Variants in FMR1 observed in about 807,000 individuals in gnomAD.
FMR1 encodes the protein FMRP translational regulator 1.
In FMR1, 13 loss-of-function variants were observed where a neutral mutation model predicts 50.6. The observed-to-expected ratio is 0.26, with a 90% CI of 0.17 to 0.41. The LOEUF (loss-of-function observed/expected upper bound fraction) is 0.41, where lower values mean the gene tolerates loss of function less well. Among genes scored for constraint, FMR1 ranks in the 10% least tolerant of loss-of-function variants. FMR1 has a pLI of 1.00. For missense variants in FMR1, 316 were observed against 491.3 expected (o/e 0.64, Z 3.37); for synonymous variants, 138 against 164.1 (o/e 0.84, Z 1.22).
Position 147,949,663 on chromosome X carries a change from GAAGA to G in FMR1, c.*825_*828del, listed in dbSNP as rs781928059. On this transcript the variant is annotated 3_prime_UTR_variant, in exon 17 of 17. Coordinates refer to ENST00000370475, the MANE Select transcript of FMR1 (RefSeq NM_002024.6). ...GTGTAATTTTTCTGTATAGACAGGA[GAAGA>G]AAGAACTATCTTCATCTGAGAGAGG... The G allele has an allele frequency of 3.6e-4, 117 of 327,652 alleles. No homozygotes were observed. The highest frequency in any genetic ancestry group is 6.1e-4 in the Non-Finnish European group (103 of 169,609). 27.0% of individuals were successfully genotyped at this position (327,652 alleles called of 1,213,427 possible).
chrX:147,937,317 A>T (rs2043823948), intron 10 of FMR1, 149 bp from the exon 11 acceptor site: 1 of 453,122 alleles, frequency 2.2e-6, no homozygotes, highest in Admixed American at 4.0e-5. Flanking sequence ...TTTTCTGCGT[A>T]CAATTTGTAT....
chrX:147,925,933 G>C (rs782273690), intron 3 of FMR1, among the ~76,000 whole-genome samples: 4 of 111,610 alleles, frequency 3.6e-5, no homozygotes, highest in Non-Finnish European at 7.5e-5. Flanking sequence ...ATAGTATGTT[G>C]TTTGTTTACA....
chrX:147,926,691 TTG>T (rs2043401743), intron 3 of FMR1, among the ~76,000 whole-genome samples: 1 of 110,764 alleles, frequency 9.0e-6, no homozygotes, highest in Non-Finnish European at 1.9e-5. Flanking sequence ...TTTCACCATG[TTG>T]GTCAGGCTAG....
At chrX:147,941,962 C>T (rs1257637599) in intron 13 of FMR1, among the ~76,000 whole-genome samples, 4 of 112,822 alleles carry the variant, frequency 3.5e-5, no homozygotes, top group Non-Finnish European at 7.5e-5. Flanking sequence ...ACCTGGACTA[C>T]TCTTCTGTTT....
Position 147,950,332 on chromosome X carries a change from T to A in FMR1, c.*1488T>A. On this transcript the variant is annotated 3_prime_UTR_variant, in exon 17 of 17. Coordinates refer to ENST00000370475, the MANE Select transcript of FMR1 (RefSeq NM_002024.6). Reference sequence around the variant, plus strand: ...CAAACTGCACATGATTTCACAAATATTAAAAAGTCTTTTAAAAAGTATTGC... The same window carrying A: ...CAAACTGCACATGATTTCACAAATAATAAAAAGTCTTTTAAAAAGTATTGC... 1 of 329,561 alleles carries A rather than the reference T, an allele frequency of 3.0e-6. No homozygotes were observed. 27.2% of individuals were successfully genotyped at this position (329,561 alleles called of 1,213,427 possible). A position where few individuals can be genotyped will look rare whatever the true frequency, so the allele number is the denominator to read the frequency against.
At chrX:147,929,549 A>G (rs1361353295) in intron 5 of FMR1, among the ~76,000 whole-genome samples, 1 of 109,231 alleles carries the variant, frequency 9.2e-6, no homozygotes, top group Non-Finnish European at 1.9e-5. Context: ...TATGCCCCAT[A>G]AATATATATA....
chrX:147,930,707 T>C (rs2043562895), intron 7 of FMR1, among the ~76,000 whole-genome samples: 1 of 112,080 alleles, frequency 8.9e-6, no homozygotes, highest in African/African-American at 3.2e-5. Context: ...CTTACTATTT[T>C]GTCTCTTAAG....
In FMR1 at chrX:147,948,755, C is replaced by T; in HGVS notation, c.1810C>T (p.Arg604Trp). 1.7e-6 allele frequency: 2 copies of T among 1,210,689 alleles called. No individual in the cohort carries two copies. The highest frequency in any genetic ancestry group is 2.3e-4 in the Middle Eastern group (1 of 4,353). Residue 604 changes from arginine to tryptophan, a missense_variant, in exon 17 of 17, where the codon CGG (arginine) becomes TGG (tryptophan). Arg to Trp is a moderately radical substitution (Grantham distance 101). Transcript: ENST00000370475. ...ACAGAATACCTCCAGTGAAGGTAGT[C>T]GGCTGCGCACGGGTAAAGATCGTAA... ...TLQNTSSEGS[R>W]LRTGKDRNQK...
chrX:147,934,414 A>G (rs782419598), intron 9 of FMR1, among the ~76,000 whole-genome samples: 4 of 110,679 alleles, frequency 3.6e-5, no homozygotes, highest in Non-Finnish European at 7.6e-5. Context: ...ATCAAATGTG[A>G]TAATAGGATC....
Position 147,950,534 on chromosome X carries a change from T to C in FMR1, c.*1690T>C, listed in dbSNP as rs781980854. 33 of 328,105 alleles carry C rather than the reference T, an allele frequency of 1.0e-4. No individual in the cohort carries two copies. The highest frequency in any genetic ancestry group is 8.6e-4 in the South Asian group (33 of 38,325). The allele number at this position is 328,105 out of a possible 1,213,427, so 27.0% of individuals were successfully genotyped here. On this transcript the variant is annotated 3_prime_UTR_variant, in exon 17 of 17. Coordinates refer to ENST00000370475, the MANE Select transcript of FMR1 (RefSeq NM_002024.6). ...GCTCTTGGGCAATATTCTCTGTACA[T>C]ATTAGCGACAACAGATTGGATTTTA...
intron 15 of FMR1, 54 bp from the exon 16 acceptor site, chrX:147,945,480 C>G (rs1046803004): frequency 1.2e-5 from 12 of 979,275 alleles, no homozygotes; most frequent in Admixed American, 2.2e-5. Context: ...AAAGAACTTC[C>G]AGTAAGCATT....
At chrX:147,912,752 T>C (rs1029084669) in intron 1 of FMR1, 16 of 295,885 alleles carry the variant, frequency 5.4e-5, no homozygotes, top group African/African-American at 4.1e-4. Context: ...AGAGCTCCAC[T>C]GTTCTGGGCG....
At position 147,933,936 on chromosome X, in the gene FMR1, G is replaced by A. The variant is rs183771821; in HGVS notation, c.880+1173G>A. Among the ~76,000 whole-genome samples, 531 of 112,104 alleles carry A rather than the reference G, an allele frequency of 4.7e-3. 4 individuals carry two copies. The highest frequency in any genetic ancestry group is 8.3e-3 in the Admixed American group (88 of 10,581). ...CTTGAAGATAAAGTGCAAATAGTAGGAAAATAATGCAGAAGTGTTAGCTCA... is the reference window on the plus strand; with the variant it reads ...CTTGAAGATAAAGTGCAAATAGTAGAAAAATAATGCAGAAGTGTTAGCTCA... On this transcript the variant is annotated intron_variant, in intron 9 of 16. Transcript: ENST00000370475.
chrX:147,912,294 G>A (rs1381897788), intron 1 of FMR1, 64 bp downstream of exon 1: 2 of 1,064,244 alleles, frequency 1.9e-6, no homozygotes, highest in East Asian at 6.7e-5. Flanking sequence ...TCTTGGTGTC[G>A]GCGGGAGGCA....
chrX:147,928,608 T>A (rs1557177985), intron 4 of FMR1, 51 bp from the exon 5 acceptor site: 2 of 1,097,096 alleles, frequency 1.8e-6, no homozygotes, highest in Admixed American at 4.5e-5. Context: ...GAGAACTTCT[T>A]ATTCTTACTT....
chrX:147,917,977 A>G (rs2042957644), intron 1 of FMR1, among the ~76,000 whole-genome samples: 9 of 111,801 alleles, frequency 8.1e-5, no homozygotes, highest in Admixed American at 7.5e-4. Context: ...CATTCATTCA[A>G]ATTCATTGAA....
chrX:147,918,614 T>G (rs1421367767), intron 1 of FMR1, among the ~76,000 whole-genome samples: 1 of 99,196 alleles, frequency 1.0e-5, no homozygotes, highest in Non-Finnish European at 2.0e-5. Flanking sequence ...CTTCCTCCTT[T>G]GAGAGAATAT....
Position 147,918,076 on chromosome X carries a change from A to C in FMR1, c.52-3857A>C, listed in dbSNP as rs190926259. ...TGCCTGATAGGTAGGGATCATAGCA[A>C]AACACAGTTTTCCAAGGTGGTGATA... On this transcript the variant is annotated intron_variant, in intron 1 of 16. Coordinates refer to ENST00000370475, the MANE Select transcript of FMR1 (RefSeq NM_002024.6). 5.4e-5 allele frequency among the ~76,000 whole-genome samples: 6 copies of C among 111,559 alleles called. No individual in the cohort carries two copies. The East Asian group carries it at 1.7e-3, about 31-fold the overall frequency.
chrX:147,926,853 T>A (rs138084570), intron 3 of FMR1, among the ~76,000 whole-genome samples: 1 of 111,060 alleles, frequency 9.0e-6, no homozygotes, highest in Non-Finnish European at 1.9e-5. Context: ...CAGAATCTTC[T>A]GCCTTTGATG....
Sources: allele counts gnomAD v4.1 joint callset (sites outside exome capture counted in the v4.1 genomes callset), GRCh38; gene constraint gnomAD v4.1.1; transcripts MANE v1.5; gene names NCBI Gene and HGNC (gene_info 2026-07-23, HGNC 2026-07-21).